Variants in RAPGEF2 observed in about 807,000 individuals in gnomAD.
RAPGEF2 encodes the protein Rap guanine nucleotide exchange factor 2.
In RAPGEF2, 54 loss-of-function variants were observed where a neutral mutation model predicts 186.7. The observed-to-expected ratio is 0.29, with a 90% confidence interval of 0.23 to 0.36. RAPGEF2 has a LOEUF of 0.36. RAPGEF2 is among the 10% of genes least tolerant of loss of function. The pLI is 1.00. For synonymous variants in RAPGEF2, 712 were observed against 705.9 expected (o/e 1.01, Z -0.14); for missense variants, 1,532 against 2,045.0 (o/e 0.75, Z 4.84).
intron 1 of RAPGEF2, among the ~76,000 whole-genome samples, chr4:159,154,212 C>G (rs1236360549): frequency 5.9e-5 from 9 of 152,126 alleles, no homozygotes; most frequent in Non-Finnish European, 4.4e-5. Flanking sequence ...AAAGAATTTT[C>G]TTAGCTAACT....
At chr4:159,234,116 T>TAA (rs572880337) in intron 4 of RAPGEF2, among the ~76,000 whole-genome samples, 2 of 145,186 alleles carry the variant, frequency 1.4e-5, no homozygotes, top group Non-Finnish European at 1.5e-5. Flanking sequence ...TAAGACTTAC[T>TAA]AAAAAAAAAA....
rs764416737 is a variant in RAPGEF2 at position 159,345,344 on chromosome 4, A to G, written c.3502+15A>G. On this transcript the variant is annotated intron_variant, in intron 24 of 29. Coordinates refer to ENST00000691494, the MANE Select transcript of RAPGEF2 (RefSeq NM_001394067.2). ...AACCAACACATGTGAGTTTTTCCTT[A>G]AAGTGGCTGCAGACTTTGGCTAGGA... 3 of 1,612,108 alleles carry G rather than the reference A, an allele frequency of 1.9e-6. No individual in the cohort carries two copies. The Admixed American group carries it at 5.0e-5, about 27-fold the overall frequency.
chr4:159,234,364 T>TA (rs1752984455), intron 4 of RAPGEF2, among the ~76,000 whole-genome samples: 2 of 139,638 alleles, frequency 1.4e-5, no homozygotes, highest in African/African-American at 5.7e-5. Flanking sequence ...GGCTTTCAGC[T>TA]GGTGTAATAG....
intron 2 of RAPGEF2, among the ~76,000 whole-genome samples, chr4:159,189,839 A>G (rs191193375): frequency 4.5e-4 from 69 of 152,194 alleles, no homozygotes; most frequent in South Asian, 2.1e-3. Flanking sequence ...ACAGTTATCA[A>G]TTGATTGTAT....
chr4:159,129,139 TAAG>T (rs1215837376), intron 1 of RAPGEF2, among the ~76,000 whole-genome samples: 1 of 151,886 alleles, frequency 6.6e-6, no homozygotes, highest in Non-Finnish European at 1.5e-5. Context: ...AGAAATGTAA[TAAG>T]AATAAGAATC....
intron 1 of RAPGEF2, among the ~76,000 whole-genome samples, chr4:159,124,017 G>C (rs948120159): frequency 6.6e-6 from 1 of 151,288 alleles, no homozygotes; most frequent in East Asian, 2.0e-4. Flanking sequence ...CACCACACCC[G>C]GCTAATTTTT....
At chr4:159,342,175 A>G (rs1358790088) in intron 20 of RAPGEF2, among the ~76,000 whole-genome samples, 1 of 152,202 alleles carries the variant, frequency 6.6e-6, no homozygotes. Context: ...TAAGCAGGAA[A>G]CATTTTGGTA....
At chr4:159,209,552 A>G (rs1199204935) in intron 3 of RAPGEF2, among the ~76,000 whole-genome samples, 1 of 152,206 alleles carries the variant, frequency 6.6e-6, no homozygotes, top group Non-Finnish European at 1.5e-5. Flanking sequence ...AATCTCCGTG[A>G]GGGCAGGGAT....
intron 3 of RAPGEF2, among the ~76,000 whole-genome samples, chr4:159,197,483 T>G (rs1231790816): frequency 6.6e-6 from 1 of 152,220 alleles, no homozygotes; most frequent in African/African-American, 2.4e-5. Context: ...ATTGCCTGTT[T>G]TCCACATACA....
chr4:159,276,565 T>G (rs1758904436), intron 7 of RAPGEF2, among the ~76,000 whole-genome samples: 1 of 152,218 alleles, frequency 6.6e-6, no homozygotes, highest in Non-Finnish European at 1.5e-5. Context: ...GTCTGTGTCT[T>G]ATTTGTTATA....
At position 159,332,557 on chromosome 4, in the gene RAPGEF2, T is replaced by G; in HGVS notation, c.1995T>G (p.Asp665Glu). The change falls in exon 17 of 30, where the codon GAT becomes GAG. Residue 665 changes from aspartate (D) to glutamate (E), a missense_variant. By Grantham distance (45) the Asp-to-Glu change is conservative. Around this residue, in one of 4 missense-constraint regions of RAPGEF2, gnomAD observed 810 missense variants for 1,210.5 expected, o/e 0.67. Transcript: ENST00000691494. ...AGGCCAGTCGCTACTCCATTCCAGA[T>G]CTTGCTGTAGATGTAGAACAGGTGA... ...IKKASRYSIP[D>E]LAVDVEQVIG... 1 of 1,614,038 alleles carries G rather than the reference T, an allele frequency of 6.2e-7. No homozygotes were observed. The highest frequency in any genetic ancestry group is 8.5e-7 in the Non-Finnish European group (1 of 1,179,982).
intron 1 of RAPGEF2, among the ~76,000 whole-genome samples, chr4:159,169,467 G>A (rs1561038226): frequency 6.6e-6 from 1 of 152,112 alleles, no homozygotes; most frequent in Non-Finnish European, 1.5e-5. Context: ...AATTTACTTA[G>A]TGATTTAAGA....
chr4:159,332,108 C>A, intron 16 of RAPGEF2, 74 bp downstream of exon 16: 1 of 959,954 alleles, frequency 1.0e-6, no homozygotes. Context: ...CATAAGAAAG[C>A]ATATATGGTA....
chr4:159,296,657 G>A (rs1762067158), intron 7 of RAPGEF2, among the ~76,000 whole-genome samples: 1 of 152,146 alleles, frequency 6.6e-6, no homozygotes, highest in African/African-American at 2.4e-5. Context: ...TAAAAATTAA[G>A]TAAGCTAATG....
At chr4:159,168,435 C>T (rs1745561990) in intron 1 of RAPGEF2, among the ~76,000 whole-genome samples, 2 of 151,846 alleles carry the variant, frequency 1.3e-5, no homozygotes, top group Admixed American at 1.3e-4. Context: ...TTGGCCTCCC[C>T]TTTTTATTTT....
intron 1 of RAPGEF2, among the ~76,000 whole-genome samples, chr4:159,170,272 G>A (rs541391090): frequency 1.3e-5 from 2 of 151,550 alleles, no homozygotes; most frequent in East Asian, 3.9e-4. Context: ...TTTTGCTATT[G>A]AGTTGTTTTT....
At position 159,323,472 on chromosome 4, in the gene RAPGEF2, C is replaced by A; in HGVS notation, c.1004C>A (p.Ser335Ter). ...TTTTTGGATTAGCTGGACTCCTGGT[C>A]AGTGATTCTCAATGGATCTGTGGAA... is the stretch of plus-strand genomic sequence containing the variant. ...LNDGEELDSW[S>*]VILNGSVEVT... The change falls in exon 11 of 30, where the codon TCA becomes TAA. Residue 335 changes from serine to a stop codon, truncating the protein, a stop_gained. Transcript: ENST00000691494. LOFTEE classifies it high-confidence loss of function. The A allele has an allele frequency of 6.2e-7, 1 of 1,601,834 alleles. No homozygotes were observed. The highest frequency in any genetic ancestry group is 1.1e-5 in the South Asian group (1 of 88,960).
chr4:159,134,238 TAC>T (rs1198444358), intron 1 of RAPGEF2, among the ~76,000 whole-genome samples: 1 of 152,206 alleles, frequency 6.6e-6, no homozygotes. Flanking sequence ...TCATATAGTG[TAC>T]AGTCTTTTTT....
intron 3 of RAPGEF2, among the ~76,000 whole-genome samples, chr4:159,209,431 A>G (rs1330245435): frequency 1.3e-5 from 2 of 152,172 alleles, no homozygotes; most frequent in African/African-American, 2.4e-5. Context: ...TGGCCTTTGC[A>G]CTCACACTCC....
Sources: allele counts gnomAD v4.1 joint callset (sites outside exome capture counted in the v4.1 genomes callset), GRCh38; gene constraint gnomAD v4.1.1; regional missense constraint gnomAD v4.1.1; transcripts MANE v1.5; gene names NCBI Gene and HGNC (gene_info 2026-07-23, HGNC 2026-07-21).